The following KCNIP1 variants were observed in gnomAD, a reference collection of about 807,000 sequenced individuals.
KCNIP1 encodes the protein potassium voltage-gated channel interacting protein 1.
A neutral mutation model predicts 33.0 loss-of-function variants in KCNIP1; 18 were observed. The observed-to-expected ratio is 0.55, with a 90% CI of 0.38 to 0.81. The LOEUF (loss-of-function observed/expected upper bound fraction) is 0.81, where lower values mean the gene tolerates loss of function less well. Among genes scored for constraint, KCNIP1 ranks in the 30% least tolerant of loss-of-function variants. KCNIP1 has a pLI of 0.00. For synonymous variants in KCNIP1, 93 were observed against 98.3 expected, an observed-to-expected ratio of 0.95 and a Z score of 0.32; for missense variants, 238 against 271.6, an observed-to-expected ratio of 0.88 and a Z score of 0.87.
At chr5:170,659,790 A>G (rs1761405132) in intron 1 of KCNIP1, among the ~76,000 whole-genome samples, 1 of 152,178 alleles carries the variant, frequency 6.6e-6, no homozygotes, top group Non-Finnish European at 1.5e-5. Context: ...TTTGACTATT[A>G]TTAGGCGGGT....
intron 1 of KCNIP1, among the ~76,000 whole-genome samples, chr5:170,636,559 C>G (rs951979016): frequency 6.6e-6 from 1 of 152,124 alleles, no homozygotes; most frequent in Non-Finnish European, 1.5e-5. Flanking sequence ...ATGGCTCAAT[C>G]AATATGACAC....
chr5:170,474,765 C>A (rs902779028), intron 1 of KCNIP1, among the ~76,000 whole-genome samples: 1 of 152,126 alleles, frequency 6.6e-6, no homozygotes, highest in Admixed American at 6.5e-5. Context: ...TCTGTGGTCT[C>A]GCTGACTTCA....
chr5:170,677,350 A>C (rs1183268417), intron 1 of KCNIP1, among the ~76,000 whole-genome samples: 3 of 152,066 alleles, frequency 2.0e-5, no homozygotes, highest in Non-Finnish European at 4.4e-5. Context: ...CCACACTCCC[A>C]CTTACTGGGT....
chr5:170,500,618 G>A (rs1757391744), upstream of KCNIP1, among the ~76,000 whole-genome samples: 1 of 152,122 alleles, frequency 6.6e-6, no homozygotes, highest in African/African-American at 2.4e-5. Flanking sequence ...GCAGGCAGAG[G>A]GCCTGTTATC....
rs140840519 is a variant in KCNIP1, at chr5:170,703,344, A to G, written c.62-15414A>G. Among the ~76,000 whole-genome samples, 29 of 138,456 alleles carry G rather than the reference A, an allele frequency of 2.1e-4. 3 individuals are homozygous for G. Among genetic ancestry groups the G allele is most frequent in the African/African-American group, 7.6e-4 (29 of 37,966 alleles). The allele number at this position is 138,456 out of a possible 152,430, so 90.8% of individuals were successfully genotyped here. On this transcript the variant is annotated intron_variant, in intron 1 of 7. Transcript: ENST00000328939. ...TCTTAGTGTTGGAAATGTAATAGGG[A>G]GTAGTGGGGACTGCGGTTTAATTGT... is the stretch of plus-strand genomic sequence containing the variant.
At chr5:170,409,697 C>G (rs554365986) in intron 1 of KCNIP1, among the ~76,000 whole-genome samples, 1 of 152,344 alleles carries the variant, frequency 6.6e-6, no homozygotes, top group Admixed American at 6.5e-5. Flanking sequence ...TGGAATTCCA[C>G]CGACAGCAGG....
intron 1 of KCNIP1, among the ~76,000 whole-genome samples, chr5:170,360,486 C>A (rs1044282081): frequency 2.0e-5 from 3 of 152,150 alleles, no homozygotes; most frequent in Non-Finnish European, 2.9e-5. Flanking sequence ...CTGGCTCATA[C>A]AAGCTGCTCA....
chr5:170,735,600 G>A (rs1764359803), intron 7 of KCNIP1, among the ~76,000 whole-genome samples, 159 bp from the exon 8 acceptor site: 2 of 152,144 alleles, frequency 1.3e-5, no homozygotes, highest in Non-Finnish European at 2.9e-5. Flanking sequence ...ACTTTGAACT[G>A]ATCACTTTCT....
chr5:170,546,790 A>G (rs1474832917), intron 1 of KCNIP1, among the ~76,000 whole-genome samples: 1 of 152,134 alleles, frequency 6.6e-6, no homozygotes, highest in East Asian at 1.9e-4. Context: ...CAAATTAGAC[A>G]TTATTATTAT....
At chr5:170,383,669 A>G (rs1764344274) in intron 1 of KCNIP1, 1 of 1,614,040 alleles carries the variant, frequency 6.2e-7, no homozygotes, top group East Asian at 2.2e-5. Context: ...CCATCCCTCC[A>G]GTTCAGTACC....
At chr5:170,371,600 C>A (rs185047700) in intron 1 of KCNIP1, among the ~76,000 whole-genome samples, 1 of 152,126 alleles carries the variant, frequency 6.6e-6, no homozygotes, top group South Asian at 2.1e-4. Flanking sequence ...CCTCCATTGG[C>A]TCATTGGTGA....
At chr5:170,465,712 C>T (rs1205937191) in intron 1 of KCNIP1, among the ~76,000 whole-genome samples, 1 of 152,138 alleles carries the variant, frequency 6.6e-6, no homozygotes, top group East Asian at 1.9e-4. Flanking sequence ...TGAACCTTAT[C>T]TGGGTCCGGA....
At chr5:170,446,690 C>T (rs1042399332) in intron 1 of KCNIP1, among the ~76,000 whole-genome samples, 9 of 152,164 alleles carry the variant, frequency 5.9e-5, no homozygotes, top group Non-Finnish European at 1.3e-4. Context: ...AATCCTCCTG[C>T]CTCGGCCTCC....
At chr5:170,359,878 G>A (rs192819596) in intron 1 of KCNIP1, among the ~76,000 whole-genome samples, 39 of 152,330 alleles carry the variant, frequency 2.6e-4, no homozygotes, top group Admixed American at 2.2e-3. Flanking sequence ...CCCCTCTGGA[G>A]CCTCCGGGTC....
chr5:170,571,386 C>T (rs922104397), intron 1 of KCNIP1, among the ~76,000 whole-genome samples: 17 of 152,230 alleles, frequency 1.1e-4, no homozygotes, highest in African/African-American at 4.1e-4. Flanking sequence ...CCTCCAGTTC[C>T]TCCAGCACCT....
chr5:170,618,488 AAGGG>A (rs1401958004), intron 1 of KCNIP1, among the ~76,000 whole-genome samples: 2 of 101,526 alleles, frequency 2.0e-5, no homozygotes, highest in East Asian at 3.4e-4. Flanking sequence ...GGAAGGAAGG[AAGGG>A]AGGGAGGGAG....
chr5:170,390,795 A>G (rs1239596047), intron 1 of KCNIP1, among the ~76,000 whole-genome samples: 2 of 151,800 alleles, frequency 1.3e-5, no homozygotes, highest in Non-Finnish European at 2.9e-5. Context: ...AATCACCTCG[A>G]TCATACAGTA....
intron 1 of KCNIP1, among the ~76,000 whole-genome samples, chr5:170,704,822 A>G (rs1763204376): frequency 6.6e-6 from 1 of 152,190 alleles, no homozygotes; most frequent in African/African-American, 2.4e-5. Flanking sequence ...CCCACCATCA[A>G]GGCTGTTTCC....
chr5:170,478,403 A>G (rs1756902873), intron 1 of KCNIP1, among the ~76,000 whole-genome samples: 1 of 152,228 alleles, frequency 6.6e-6, no homozygotes, highest in South Asian at 2.1e-4. Flanking sequence ...CTGGAGGACA[A>G]GCTTCCCCGG....
Sources: gnomAD v4.1 joint callset for allele counts (sites outside exome capture counted in the v4.1 genomes callset) on GRCh38, gnomAD v4.1.1 for gene constraint, MANE v1.5 for transcripts, NCBI Gene and HGNC (gene_info 2026-07-23, HGNC 2026-07-21) for gene names.